Variants in REL observed in about 807,000 individuals in gnomAD.
The protein encoded by REL is proto-oncogene c-Rel.
In REL, 15 loss-of-function variants were observed where a neutral mutation model predicts 45.9. That is an observed-to-expected ratio of 0.33 (90% CI 0.22 to 0.50). The LOEUF is 0.50. Ranked by LOEUF, REL falls within the 20% of genes least tolerant of loss-of-function variation. The pLI, the probability that REL is intolerant of heterozygous loss-of-function variation, is 0.98. For synonymous variants in REL, 239 were observed against 242.1 expected (o/e 0.99, Z 0.12); for missense variants, 601 against 715.2 (o/e 0.84, Z 1.82).
At chr2:60,898,152 C>A (rs1461744845) in intron 3 of REL, among the ~76,000 whole-genome samples, 2 of 152,230 alleles carry the variant, frequency 1.3e-5, no homozygotes, top group African/African-American at 4.8e-5. Flanking sequence ...GAATAACCTC[C>A]TGACTGGTCT....
intron 3 of REL, among the ~76,000 whole-genome samples, chr2:60,897,955 T>G (rs894988369): frequency 2.8e-4 from 42 of 152,310 alleles, no homozygotes; most frequent in Non-Finnish European, 4.3e-4. Context: ...ACTGGTCTTC[T>G]TCCAATGTGC....
rs1674260833 is a variant in REL, at chr2:60,926,068, C to A, written c.*3533C>A. On this transcript the variant is annotated 3_prime_UTR_variant, in exon 10 of 10. Transcript: ENST00000394479. ...GTCTCTACATATATTCATGCTTTCA[C>A]CTGCTCTTTTAACACCTGCTTTTAG... is the stretch of plus-strand genomic sequence containing the variant. The A allele has an allele frequency of 4.3e-6, 1 of 230,318 alleles. No homozygotes were observed. The highest frequency in any genetic ancestry group is 8.6e-6 in the Non-Finnish European group (1 of 115,998). The allele number at this position is 230,318 out of a possible 1,614,324, so 14.3% of individuals were successfully genotyped here. A position where few individuals can be genotyped will look rare whatever the true frequency, so the allele number is the denominator to read the frequency against.
chr2:60,917,684 G>GTA (rs1295744654), intron 5 of REL, among the ~76,000 whole-genome samples: 1 of 102,382 alleles, frequency 9.8e-6, no homozygotes, highest in South Asian at 2.4e-4. Flanking sequence ...AAAATACTGT[G>GTA]TGTGTGTGTG....
chr2:60,895,040 G>C (rs901835110), intron 3 of REL, among the ~76,000 whole-genome samples: 1 of 151,496 alleles, frequency 6.6e-6, no homozygotes, highest in Admixed American at 6.6e-5. Flanking sequence ...TGTATTTTTA[G>C]TAGAGATGGG....
At chr2:60,882,281 T>C (rs1181506588) in intron 1 of REL, among the ~76,000 whole-genome samples, 1 of 152,248 alleles carries the variant, frequency 6.6e-6, no homozygotes, top group Non-Finnish European at 1.5e-5. Context: ...ATCCCCCTTG[T>C]ACTGACAGTT....
chr2:60,931,611 CACTT>C (rs1436615265), exon 10 of REL: 3 of 152,086 alleles, frequency 2.0e-5, no homozygotes, highest in South Asian at 4.1e-4. Context: ...AATTCTAAAA[CACTT>C]GCTGAAATTT....
Position 60,931,542 on chromosome 2 carries a change from T to C in REL, c.*9007T>C, listed in dbSNP as rs1674381575. 6.6e-6 allele frequency: 1 copy of C among 152,312 alleles called. No homozygotes were observed. 9.4% of individuals were successfully genotyped at this position (152,312 alleles called of 1,614,324 possible). A position where few individuals can be genotyped will look rare whatever the true frequency, so the allele number is the denominator to read the frequency against. ...AAATGCTGTTTATTATACAGAATAT[T>C]TTATTACATTTGCAATATCTTTGTA... On this transcript the variant is annotated 3_prime_UTR_variant, in exon 10 of 10. Transcript: ENST00000394479.
Position 60,894,394 on chromosome 2 carries a change from C to T in REL, c.154-3C>T. 6.8e-7 allele frequency: 1 copy of T among 1,466,996 alleles called. No individual in the cohort carries two copies. Among genetic ancestry groups the T allele is most frequent in the Non-Finnish European group, 9.2e-7 (1 of 1,087,570 alleles). 90.9% of individuals were successfully genotyped at this position (1,466,996 alleles called of 1,614,324 possible). Reference sequence around the variant, plus strand: ...CATGTATTTAATTTCCCCCTTTTTTCAGATTATGAACTATTATGGAAAAGG... The same window carrying T: ...CATGTATTTAATTTCCCCCTTTTTTTAGATTATGAACTATTATGGAAAAGG... On this transcript the variant is annotated splice_polypyrimidine_tract_variant and splice_region_variant and intron_variant, in intron 2 of 9. Transcript: ENST00000394479.
rs1181882123 is a variant in REL, at chr2:60,881,814, C to CTGCGGGAAGG, written c.-20_-11dup. 1.8e-5 allele frequency: 28 copies of CTGCGGGAAGG among 1,526,688 alleles called. 1 individual carries two copies. The Middle Eastern group carries it at 8.8e-4, about 48-fold the overall frequency. 94.6% of individuals were successfully genotyped at this position (1,526,688 alleles called of 1,614,324 possible). A position where few individuals can be genotyped will look rare whatever the true frequency, so the allele number is the denominator to read the frequency against. On this transcript the variant is annotated 5_prime_UTR_variant, in exon 1 of 10. Coordinates refer to ENST00000394479, the MANE Select transcript of REL (RefSeq NM_001291746.2). ...CTCCGGCCAGGACGCTGGGAGCTGC[C>CTGCGGGAAGG]TGCGGGAAGGTGCGGGGAGCGGAGC... is the stretch of plus-strand genomic sequence containing the variant.
chr2:60,908,340 G>A (rs952988331), intron 4 of REL, among the ~76,000 whole-genome samples: 10 of 152,138 alleles, frequency 6.6e-5, no homozygotes, highest in African/African-American at 2.4e-4. Flanking sequence ...TCCCCAACTA[G>A]TGTGTTTTAA....
At position 60,927,166 on chromosome 2, in the gene REL, A is replaced by T; in HGVS notation, c.*4631A>T. On this transcript the variant is annotated 3_prime_UTR_variant, in exon 10 of 10. Transcript: ENST00000394479. ...TCATTGGGACTCCAGCACCCAGCAT[A>T]GTCCCTAGTATACTAGTTGGTGCTG... 4.4e-6 allele frequency: 1 copy of T among 225,538 alleles called. No homozygotes were observed. The highest frequency in any genetic ancestry group is 6.4e-5 in the East Asian group (1 of 15,630). The allele number at this position is 225,538 out of a possible 1,614,324, so 14.0% of individuals were successfully genotyped here.
chr2:60,904,263 G>A (rs1451139638), intron 4 of REL, among the ~76,000 whole-genome samples: 1 of 151,978 alleles, frequency 6.6e-6, no homozygotes, highest in Non-Finnish European at 1.5e-5. Flanking sequence ...TTGGCTGGAC[G>A]TGGTGGCACG....
chr2:60,887,490 A>G (rs1219248718), intron 1 of REL, among the ~76,000 whole-genome samples: 1 of 152,004 alleles, frequency 6.6e-6, no homozygotes, highest in Non-Finnish European at 1.5e-5. Context: ...GTTAAACACA[A>G]TTTCTGCCTT....
At chr2:60,885,942 C>A (rs978230612) in intron 1 of REL, among the ~76,000 whole-genome samples, 5 of 152,070 alleles carry the variant, frequency 3.3e-5, no homozygotes, top group Admixed American at 6.5e-5. Context: ...GTCATTTTTT[C>A]TTGCTTGCAT....
chr2:60,891,554 T>C, intron 1 of REL, 129 bp from the exon 2 acceptor site: 2 of 798,846 alleles, frequency 2.5e-6, no homozygotes, highest in East Asian at 5.9e-5. Context: ...ATTTCGGTCT[T>C]GTTATTTAAT....
At chr2:60,915,180 C>T (rs1457049690) in intron 4 of REL, among the ~76,000 whole-genome samples, 1 of 152,166 alleles carries the variant, frequency 6.6e-6, no homozygotes, top group Non-Finnish European at 1.5e-5. Context: ...GTCTATACCA[C>T]ACTTTGTTTA....
chr2:60,917,713 TGTAC>T lies in REL; in HGVS notation c.536-475_536-472del, dbSNP rs1379272611. Among the ~76,000 whole-genome samples, 357 of 147,766 alleles carry T rather than the reference TGTAC, an allele frequency of 2.4e-3. 3 individuals are homozygous for T. The highest frequency in any genetic ancestry group is 7.8e-3 in the African/African-American group (311 of 39,792). On this transcript the variant is annotated intron_variant, in intron 5 of 9. Transcript: ENST00000394479. Reference sequence around the variant, plus strand: ...GTGTGTGTGTGTGTGTGTGTGTGTGTGTACGTGTGTGTGTGTGTACATAGACTTA... The same window carrying T: ...GTGTGTGTGTGTGTGTGTGTGTGTGTGTGTGTGTGTGTGTACATAGACTTA...
intron 8 of REL, 115 bp from the exon 9 acceptor site, chr2:60,920,459 C>T: frequency 1.2e-6 from 1 of 803,366 alleles, no homozygotes; most frequent in Admixed American, 2.1e-5. Flanking sequence ...CCTTGGCCTC[C>T]CAAAGTGCTG....
At chr2:60,904,317 G>A (rs774496949) in intron 4 of REL, among the ~76,000 whole-genome samples, 13 of 151,820 alleles carry the variant, frequency 8.6e-5, no homozygotes, top group Admixed American at 6.6e-4. Context: ...CAGGAGATTC[G>A]CTTGAACCCA....
Sources: gnomAD v4.1 joint callset for allele counts (sites outside exome capture counted in the v4.1 genomes callset) on GRCh38, gnomAD v4.1.1 for gene constraint, MANE v1.5 for transcripts, NCBI Gene and HGNC (gene_info 2026-07-23, HGNC 2026-07-21) for gene names.